The following OVOL2 variants were observed in gnomAD, a reference collection of about 807,000 sequenced individuals.
OVOL2 encodes transcription factor Ovo-like 2.
A neutral mutation model predicts 18.1 loss-of-function variants in OVOL2; 13 were observed. The ratio of observed to expected loss-of-function variants is 0.72; its 90% CI spans 0.47 to 1.14. The LOEUF (loss-of-function observed/expected upper bound fraction) is 1.14. OVOL2 is among the 50% of genes most tolerant of loss of function. The probability of loss-of-function intolerance (pLI) is 0.00; values close to 1 mark genes in which losing one functional copy is unlikely to be tolerated. For missense variants in OVOL2, 335 were observed against 383.0 expected (o/e 0.87, Z 1.05); for synonymous variants, 166 against 162.7 (o/e 1.02, Z -0.16).
intron 2 of OVOL2, among the ~76,000 whole-genome samples, chr20:18,050,305 A>C (rs1390757428): frequency 6.6e-6 from 1 of 152,228 alleles, no homozygotes; most frequent in East Asian, 1.9e-4. Context: ...GAGGCAGGCA[A>C]GAGGCAATTG....
intron 2 of OVOL2, among the ~76,000 whole-genome samples, chr20:18,045,090 C>T (rs1043263168): frequency 6.6e-6 from 1 of 152,206 alleles, no homozygotes; most frequent in Non-Finnish European, 1.5e-5. Context: ...TCAACTACCT[C>T]ACTCCCCAGA....
chr20:18,039,717 T>C (rs1376623092), intron 3 of OVOL2, among the ~76,000 whole-genome samples: 1 of 151,454 alleles, frequency 6.6e-6, no homozygotes, highest in Non-Finnish European at 1.5e-5. Context: ...TGACAGAAAC[T>C]CTTTCCAGAC....
Position 18,034,978 on chromosome 20 carries a change from G to A in OVOL2, c.511+6556C>T, listed in dbSNP as rs117415190. 7.1e-3 allele frequency among the ~76,000 whole-genome samples: 1,078 copies of A among 152,214 alleles called. 7 individuals carry two copies. Among genetic ancestry groups the A allele is most frequent in the South Asian group, 0.012 (56 of 4,810 alleles). On this transcript the variant is annotated intron_variant, in intron 3 of 3. Transcript: ENST00000278780. ...TCCAACAAAGGGTCCTCGGCCCTGG[G>A]TCCTGGGTCCTGGGTCCAGGCCATG...
rs79003890 is a variant in OVOL2, at chr20:18,051,046, G to A, written c.321+5611C>T. ...ATCAAATGAATTGGTTTTTAAAAAC[G>A]GCTTGAATCCATAATTCACAACAAA... On this transcript the variant is annotated intron_variant, in intron 2 of 3. Coordinates refer to ENST00000278780, the MANE Select transcript of OVOL2 (RefSeq NM_021220.4). Among the ~76,000 whole-genome samples, 8 of 152,142 alleles carry A rather than the reference G, an allele frequency of 5.3e-5. No individual in the cohort carries two copies. In the East Asian group the frequency reaches 5.8e-4, roughly 11 times the overall value.
At chr20:18,037,309 A>C (rs1465142077) in intron 3 of OVOL2, among the ~76,000 whole-genome samples, 1 of 152,172 alleles carries the variant, frequency 6.6e-6, no homozygotes, top group Admixed American at 6.5e-5. Flanking sequence ...CAGCTCCACC[A>C]CTGATGGGTT....
chr20:18,033,096 C>T lies in OVOL2; in HGVS notation c.512-8144G>A, dbSNP rs151192425. 5.2e-3 allele frequency among the ~76,000 whole-genome samples: 794 copies of T among 152,350 alleles called. 7 individuals are homozygous for T. The highest frequency in any genetic ancestry group is 0.018 in the African/African-American group (751 of 41,568). On this transcript the variant is annotated intron_variant, in intron 3 of 3. Coordinates refer to ENST00000278780, the MANE Select transcript of OVOL2 (RefSeq NM_021220.4). ...GACTCTTTCTTCTCCATCTGGCCCA[C>T]TCCAAACATCTCCCAATCTGCATTT...
In OVOL2 at chr20:18,024,599, G is replaced by A. The variant is rs750267625; in HGVS notation, c.*37C>T. 3.7e-5 allele frequency: 57 copies of A among 1,521,426 alleles called. No homozygotes were observed. The highest frequency in any genetic ancestry group is 1.1e-4 in the African/African-American group (8 of 72,552). 94.2% of individuals were successfully genotyped at this position (1,521,426 alleles called of 1,614,324 possible). On this transcript the variant is annotated 3_prime_UTR_variant, in exon 4 of 4. Transcript: ENST00000278780. ...AAACCAAAAATCCACGTAGACATACGTGGCAGTGTGAACGTCTGTCCTCCC... is the reference window on the plus strand; with the variant it reads ...AAACCAAAAATCCACGTAGACATACATGGCAGTGTGAACGTCTGTCCTCCC...
intron 3 of OVOL2, among the ~76,000 whole-genome samples, chr20:18,034,283 G>A (rs918617368): frequency 2.6e-5 from 4 of 152,094 alleles, no homozygotes; most frequent in Admixed American, 2.6e-4. Context: ...CTCAGCCAAC[G>A]TCAGACTGAA....
intron 2 of OVOL2, among the ~76,000 whole-genome samples, chr20:18,053,396 C>G (rs1196063830): frequency 6.6e-6 from 1 of 152,148 alleles, no homozygotes; most frequent in Non-Finnish European, 1.5e-5. Context: ...TCCATGAACA[C>G]AGCCGTTAAG....
At position 18,057,637 on chromosome 20, in the gene OVOL2, T is replaced by TG. The variant is rs750387586; in HGVS notation, c.-4dup. 3.2e-5 allele frequency: 51 copies of TG among 1,572,288 alleles called. No individual in the cohort carries two copies. The highest frequency in any genetic ancestry group is 4.4e-5 in the Non-Finnish European group (51 of 1,158,592). On this transcript the variant is annotated 5_prime_UTR_variant, in exon 1 of 4. Transcript: ENST00000278780. The surrounding 1 kb of genome is among the most constrained non-coding windows in gnomAD (Gnocchi z 6.3). ...TTCACCAGGAAGACTTTGGGCATGG[T>TG]GGGGTCCCCTCTCCCGACTGCGGCC... is the stretch of plus-strand genomic sequence containing the variant.
chr20:18,053,206 C>T (rs1187150296), intron 2 of OVOL2, among the ~76,000 whole-genome samples: 1 of 152,168 alleles, frequency 6.6e-6, no homozygotes, highest in African/African-American at 2.4e-5. Flanking sequence ...AAATGTTGGG[C>T]ATTAAAACTT....
At chr20:18,048,113 T>G (rs563051110) in intron 2 of OVOL2, among the ~76,000 whole-genome samples, 1 of 148,744 alleles carries the variant, frequency 6.7e-6, no homozygotes, top group Non-Finnish European at 1.5e-5. Context: ...ATGGTGAAAC[T>G]CCATCTCTAC....
At chr20:18,052,715 T>A (rs2036781503) in intron 2 of OVOL2, among the ~76,000 whole-genome samples, 1 of 152,192 alleles carries the variant, frequency 6.6e-6, no homozygotes, top group Non-Finnish European at 1.5e-5. Context: ...TAATTTATTT[T>A]GAAGAACCCA....
At chr20:18,058,938 G>A (rs2036854579), upstream of OVOL2, 1 of 152,200 alleles carries the variant, frequency 6.6e-6, no homozygotes, top group Non-Finnish European at 1.5e-5. Flanking sequence ...GTGCGCCCAG[G>A]ACAACCGGCA....
chr20:18,036,646 T>C (rs1413053177), intron 3 of OVOL2, among the ~76,000 whole-genome samples: 1 of 151,540 alleles, frequency 6.6e-6, no homozygotes, highest in Non-Finnish European at 1.5e-5. Context: ...GAACCTCAGG[T>C]TGGGAGTCTG....
intron 2 of OVOL2, among the ~76,000 whole-genome samples, chr20:18,043,487 T>TG (rs1310953947): frequency 6.6e-6 from 1 of 152,142 alleles, no homozygotes; most frequent in Non-Finnish European, 1.5e-5. Flanking sequence ...AAAGGCCACA[T>TG]GGGGGAGCAC....
intron 3 of OVOL2, among the ~76,000 whole-genome samples, chr20:18,029,416 CT>C (rs2036548033): frequency 1.3e-5 from 2 of 152,190 alleles, no homozygotes; most frequent in Non-Finnish European, 2.9e-5. Flanking sequence ...CCAGGAGGCT[CT>C]AGTGTGCAGC....
At chr20:18,042,157 T>A (rs975876901) in intron 2 of OVOL2, among the ~76,000 whole-genome samples, 2 of 151,802 alleles carry the variant, frequency 1.3e-5, no homozygotes, top group Non-Finnish European at 2.9e-5. Flanking sequence ...AAGTGATCCA[T>A]CCGCCTCAGC....
intron 2 of OVOL2, among the ~76,000 whole-genome samples, chr20:18,042,358 C>CAG (rs1484769336): frequency 4.6e-5 from 7 of 152,182 alleles, no homozygotes; most frequent in African/African-American, 1.7e-4. Flanking sequence ...ATGTGATCCC[C>CAG]AGTGTTGGAG....
Sources: allele counts gnomAD v4.1 joint callset (sites outside exome capture counted in the v4.1 genomes callset), GRCh38; gene constraint gnomAD v4.1.1; non-coding constraint Gnocchi (gnomAD v3.1); transcripts MANE v1.5; gene names NCBI Gene and HGNC (gene_info 2026-07-23, HGNC 2026-07-21).